The following TCF12 variants were observed in gnomAD, a reference collection of about 807,000 sequenced individuals.
The protein encoded by TCF12 is transcription factor 12.
Under a neutral mutation model 86.0 loss-of-function variants are expected in TCF12, and 45 were observed. The ratio of observed to expected loss-of-function variants is 0.52; its 90% CI spans 0.41 to 0.67. The LOEUF (loss-of-function observed/expected upper bound fraction) is 0.67. Ranked by LOEUF, TCF12 falls within the 30% of genes least tolerant of loss-of-function variation. TCF12 has a pLI of 0.00. For missense variants in TCF12, 881 were observed against 859.9 expected, an observed-to-expected ratio of 1.02 and a Z score of -0.31; for synonymous variants, 330 against 299.6, an observed-to-expected ratio of 1.10 and a Z score of -1.05.
chr15:57,043,037 G>T (rs1420669930), intron 3 of TCF12, among the ~76,000 whole-genome samples: 1 of 152,030 alleles, frequency 6.6e-6, no homozygotes, highest in Admixed American at 6.6e-5. Flanking sequence ...TTATTAACAT[G>T]TCATCCTGCA....
chr15:57,056,889 A>G (rs2068075520), intron 3 of TCF12, among the ~76,000 whole-genome samples: 1 of 151,658 alleles, frequency 6.6e-6, no homozygotes, highest in African/African-American at 2.4e-5. Context: ...CCTTGTCTGA[A>G]AATTTTACTT....
intron 12 of TCF12, among the ~76,000 whole-genome samples, chr15:57,239,089 A>G (rs2059496436): frequency 6.6e-6 from 1 of 152,194 alleles, no homozygotes; most frequent in African/African-American, 2.4e-5. Context: ...AGGCAACACC[A>G]CGCCTGTAAT....
At position 57,246,508 on chromosome 15, in the gene TCF12, G is replaced by A. The variant is rs183800305; in HGVS notation, c.1114+2958G>A. Among the ~76,000 whole-genome samples, 29 of 151,846 alleles carry A rather than the reference G, an allele frequency of 1.9e-4. No homozygotes were observed. In the East Asian group the frequency reaches 5.6e-3, roughly 29 times the overall value. ...TTTGCAGTTCTTCCTCAGGCTGGTA[G>A]CAAGACAGCAGTTCAGGGTACTACA... On this transcript the variant is annotated intron_variant, in intron 13 of 20. Coordinates refer to ENST00000333725, the MANE Select transcript of TCF12 (RefSeq NM_207037.2).
At chr15:57,241,476 T>C (rs2059626879) in intron 12 of TCF12, among the ~76,000 whole-genome samples, 1 of 152,190 alleles carries the variant, frequency 6.6e-6, no homozygotes, top group African/African-American at 2.4e-5. Context: ...TTTTCCAAAA[T>C]AGCTTTTTAA....
In TCF12 at chr15:57,241,163, G is replaced by A. The variant is rs906445037; in HGVS notation, c.1036-2309G>A. On this transcript the variant is annotated intron_variant, in intron 12 of 20. Coordinates refer to ENST00000333725, the MANE Select transcript of TCF12 (RefSeq NM_207037.2). ...AGCTGGAGTGCAGTGGCTCGATCTC[G>A]GCTCACTGAAACCTCCACCTCCCAG... Among the ~76,000 whole-genome samples the A allele has an allele frequency of 3.3e-5, 5 of 151,208 alleles. No individual in the cohort carries two copies. The South Asian group carries it at 6.3e-4, about 19-fold the overall frequency.
At chr15:57,250,133 T>C (rs186319484) in intron 13 of TCF12, among the ~76,000 whole-genome samples, 1 of 152,332 alleles carries the variant, frequency 6.6e-6, no homozygotes, top group African/African-American at 2.4e-5. Context: ...AATTAATGTA[T>C]TTGGTATAAA....
intron 4 of TCF12, among the ~76,000 whole-genome samples, chr15:57,065,123 T>C (rs1447462329): frequency 1.3e-5 from 2 of 152,182 alleles, no homozygotes; most frequent in Non-Finnish European, 2.9e-5. Context: ...ACTGGGATAG[T>C]CGTATGGAAT....
intron 3 of TCF12, among the ~76,000 whole-genome samples, chr15:56,990,007 A>G (rs367945935): frequency 2.6e-5 from 4 of 152,308 alleles, no homozygotes; most frequent in African/African-American, 9.6e-5. Context: ...AAGACAAAAA[A>G]TAAAGTAGTT....
chr15:57,252,583 C>G, intron 15 of TCF12, 91 bp downstream of exon 15: 1 of 1,049,568 alleles, frequency 9.5e-7, no homozygotes, highest in Non-Finnish European at 1.4e-6. Context: ...TACAGACTCC[C>G]ATCTTTAAAA....
intron 4 of TCF12, among the ~76,000 whole-genome samples, chr15:57,069,500 G>A (rs1326959073): frequency 2.0e-5 from 3 of 152,082 alleles, no homozygotes; most frequent in African/African-American, 7.2e-5. Flanking sequence ...TCTTCCCTCT[G>A]TGTTTTACAG....
chr15:57,202,557 T>A (rs1264342016), intron 8 of TCF12, among the ~76,000 whole-genome samples: 5 of 151,578 alleles, frequency 3.3e-5, no homozygotes, highest in Non-Finnish European at 7.4e-5. Flanking sequence ...TGCCTCAGCC[T>A]CCTGAGTAGC....
At chr15:56,930,455 A>G (rs2140259125) in intron 3 of TCF12, among the ~76,000 whole-genome samples, 1 of 152,340 alleles carries the variant, frequency 6.6e-6, no homozygotes, top group African/African-American at 2.4e-5. Context: ...TATCTAGCCA[A>G]CTTTGTCATG....
At chr15:57,160,185 G>A (rs1310414640) in intron 5 of TCF12, among the ~76,000 whole-genome samples, 1 of 152,168 alleles carries the variant, frequency 6.6e-6, no homozygotes, top group Non-Finnish European at 1.5e-5. Flanking sequence ...CTGGGACTGG[G>A]TAATTTTTAA....
intron 3 of TCF12, among the ~76,000 whole-genome samples, chr15:56,976,293 C>T (rs1369414061): frequency 2.4e-5 from 3 of 127,172 alleles, no homozygotes; most frequent in Non-Finnish European, 4.7e-5. Flanking sequence ...TGCCGTGGTG[C>T]AATTTCGGCT....
chr15:57,209,127 T>C (rs2057996408), intron 8 of TCF12, among the ~76,000 whole-genome samples: 1 of 152,254 alleles, frequency 6.6e-6, no homozygotes, highest in African/African-American at 2.4e-5. Context: ...CATTATTTTA[T>C]GTATCTATAA....
chr15:57,239,043 A>G (rs746263436), intron 12 of TCF12, among the ~76,000 whole-genome samples: 5 of 152,154 alleles, frequency 3.3e-5, no homozygotes, highest in Non-Finnish European at 7.3e-5. Flanking sequence ...TGTTTGCATA[A>G]TAGGGTATGT....
intron 12 of TCF12, among the ~76,000 whole-genome samples, chr15:57,234,821 C>T (rs1433539296): frequency 5.9e-5 from 9 of 152,182 alleles, no homozygotes; most frequent in African/African-American, 1.7e-4. Context: ...TTGTGCTTTG[C>T]GCTTCCTAAA....
intron 3 of TCF12, among the ~76,000 whole-genome samples, chr15:56,931,207 C>G (rs1013124858): frequency 6.6e-6 from 1 of 152,002 alleles, no homozygotes; most frequent in South Asian, 2.1e-4. Flanking sequence ...AAAGCAAATT[C>G]TTCTTGGAAT....
chr15:57,101,915 T>C (rs2049783932), intron 5 of TCF12, among the ~76,000 whole-genome samples: 1 of 152,216 alleles, frequency 6.6e-6, no homozygotes. Flanking sequence ...TCTTACATAC[T>C]TTTCCACACT....
Sources: allele counts gnomAD v4.1 joint callset (sites outside exome capture counted in the v4.1 genomes callset), GRCh38; gene constraint gnomAD v4.1.1; transcripts MANE v1.5; gene names NCBI Gene and HGNC (gene_info 2026-07-23, HGNC 2026-07-21).